SECISBP2L: variants seen among roughly 807,000 people sequenced by gnomAD.
SECISBP2L encodes the protein selenocysteine insertion sequence-binding protein 2-like.
A neutral mutation model predicts 114.7 loss-of-function variants in SECISBP2L; 43 were observed. The observed-to-expected ratio is 0.38, with a 90% confidence interval of 0.29 to 0.48. The LOEUF (loss-of-function observed/expected upper bound fraction) is 0.48, where lower values mean the gene tolerates loss of function less well. Ranked by LOEUF, SECISBP2L falls within the 20% of genes least tolerant of loss-of-function variation. The pLI, the probability that SECISBP2L is intolerant of heterozygous loss-of-function variation, is 0.98. For missense variants in SECISBP2L, 1,136 were observed against 1,301.1 expected (o/e 0.87, Z 1.95); for synonymous variants, 451 against 439.7 (o/e 1.03, Z -0.32).
At chr15:49,004,410 T>C (rs1190722848) in intron 14 of SECISBP2L, among the ~76,000 whole-genome samples, 1 of 152,154 alleles carries the variant, frequency 6.6e-6, no homozygotes, top group Non-Finnish European at 1.5e-5. Context: ...GTTTGAAGGG[T>C]TTTTTGTGTC....
chr15:48,992,191 G>GA lies in SECISBP2L; in HGVS notation c.*52_*53insT. 1 of 1,501,926 alleles carries GA rather than the reference G, an allele frequency of 6.7e-7. No individual in the cohort carries two copies. Among genetic ancestry groups the GA allele is most frequent in the Non-Finnish European group, 9.0e-7 (1 of 1,113,272 alleles). The allele number at this position is 1,501,926 out of a possible 1,614,324, so 93.0% of individuals were successfully genotyped here. A position where few individuals can be genotyped will look rare whatever the true frequency, so the allele number is the denominator to read the frequency against. ...AAAATGTTGAGATGAAGCATAAAAG[G>GA]TAATGGCTGCAACCCTTCCACAGCT... On this transcript the variant is annotated 3_prime_UTR_variant, in exon 18 of 18. Transcript: ENST00000559471.
chr15:48,996,642 A>G, intron 16 of SECISBP2L, 56 bp from the exon 17 acceptor site: 1 of 1,435,896 alleles, frequency 7.0e-7, no homozygotes, highest in South Asian at 1.2e-5. Context: ...TTTTATTCCT[A>G]TTATGGATAA....
chr15:49,028,913 C>T (rs1902823377), intron 4 of SECISBP2L, among the ~76,000 whole-genome samples: 1 of 152,108 alleles, frequency 6.6e-6, no homozygotes, highest in African/African-American at 2.4e-5. Context: ...GGCTGGAGGG[C>T]AGTGGCGCAA....
chr15:49,028,032 G>T, intron 6 of SECISBP2L, 112 bp downstream of exon 6: 1 of 941,732 alleles, frequency 1.1e-6, no homozygotes, highest in Non-Finnish European at 1.6e-6. Context: ...TTGAATCTCT[G>T]GAAGACTTCT....
chr15:49,033,337 AC>A (rs1902937213), intron 3 of SECISBP2L, among the ~76,000 whole-genome samples: 1 of 152,212 alleles, frequency 6.6e-6, no homozygotes, highest in African/African-American at 2.4e-5. Context: ...AATAATTAAC[AC>A]AAGTATGATT....
Position 48,989,201 on chromosome 15 carries a change from G to A in SECISBP2L, c.*3043C>T, listed in dbSNP as rs1901920938. ...TTTATACATATATTAAAGTAACAAT[G>A]TGTTAAGATTGAACAGTTTCATGTT... On this transcript the variant is annotated 3_prime_UTR_variant, in exon 18 of 18. Coordinates refer to ENST00000559471, the MANE Select transcript of SECISBP2L (RefSeq NM_001193489.2). 1.3e-5 allele frequency: 2 copies of A among 151,682 alleles called. No homozygotes were observed. Among genetic ancestry groups the A allele is most frequent in the Admixed American group, 1.3e-4 (2 of 15,168 alleles). 9.4% of individuals were successfully genotyped at this position (151,682 alleles called of 1,614,324 possible). A position where few individuals can be genotyped will look rare whatever the true frequency, so the allele number is the denominator to read the frequency against.
At chr15:49,013,253 C>T (rs1232204462) in intron 11 of SECISBP2L, 1 of 152,450 alleles carries the variant, frequency 6.6e-6, no homozygotes, top group African/African-American at 2.4e-5. Context: ...TGATTTTACC[C>T]ACTCAGCTGC....
chr15:49,046,154 G>T, intron 1 of SECISBP2L, 122 bp downstream of exon 1: 1 of 1,158,964 alleles, frequency 8.6e-7, no homozygotes, highest in Non-Finnish European at 1.2e-6. Flanking sequence ...AGGCTCCCAG[G>T]TGAGGGGGTC....
At chr15:49,009,465 A>G in intron 13 of SECISBP2L, 87 bp from the exon 14 acceptor site, 1 of 1,370,226 alleles carries the variant, frequency 7.3e-7, no homozygotes, top group Non-Finnish European at 9.9e-7. Context: ...TAGAATGGCC[A>G]TTGTCTTTTG....
At chr15:49,028,043 A>G (rs538225831) in intron 6 of SECISBP2L, 101 bp downstream of exon 6, 4 of 1,063,694 alleles carry the variant, frequency 3.8e-6, no homozygotes, top group East Asian at 2.6e-5. Flanking sequence ...GAAGACTTCT[A>G]AGTTTTTTTT....
At chr15:49,036,605 A>G (rs1903013400) in intron 2 of SECISBP2L, among the ~76,000 whole-genome samples, 1 of 152,260 alleles carries the variant, frequency 6.6e-6, no homozygotes, top group Non-Finnish European at 1.5e-5. Context: ...CAGTTTGCAC[A>G]TTATCCAATA....
chr15:49,038,446 C>A (rs547481834), intron 1 of SECISBP2L, among the ~76,000 whole-genome samples: 166 of 146,682 alleles, frequency 1.1e-3, no homozygotes, highest in Middle Eastern at 3.6e-3. Flanking sequence ...AAAAAAAAAA[C>A]CCTGTAGTAT....
At chr15:49,009,549 T>A (rs1404568633) in intron 13 of SECISBP2L, among the ~76,000 whole-genome samples, 171 bp from the exon 14 acceptor site, 1 of 152,150 alleles carries the variant, frequency 6.6e-6, no homozygotes, top group Non-Finnish European at 1.5e-5. Flanking sequence ...TTCCATACAC[T>A]ACAAAAATTA....
chr15:49,002,348 T>C (rs1050864359), intron 14 of SECISBP2L, among the ~76,000 whole-genome samples: 2 of 152,246 alleles, frequency 1.3e-5, no homozygotes, highest in African/African-American at 2.4e-5. Flanking sequence ...TTCTGGATAT[T>C]ACCCCTTGGT....
intron 11 of SECISBP2L, among the ~76,000 whole-genome samples, chr15:49,014,106 G>A (rs1009251153): frequency 2.0e-5 from 3 of 151,942 alleles, no homozygotes; most frequent in South Asian, 2.1e-4. Context: ...CTCTTGAAAC[G>A]TACTGTCAAG....
chr15:49,021,378 G>A (rs1902637064), intron 7 of SECISBP2L, among the ~76,000 whole-genome samples: 1 of 151,792 alleles, frequency 6.6e-6, no homozygotes, highest in Non-Finnish European at 1.5e-5. Flanking sequence ...ATATGGGCAA[G>A]AAAAAAAACA....
intron 14 of SECISBP2L, among the ~76,000 whole-genome samples, 183 bp from the exon 15 acceptor site, chr15:49,001,280 T>C (rs531566563): frequency 6.6e-6 from 1 of 152,216 alleles, no homozygotes; most frequent in South Asian, 2.1e-4. Context: ...AGAAGAGTGA[T>C]ACAGATATTC....
chr15:49,001,925 G>GT (rs1290283082), intron 14 of SECISBP2L: 1 of 152,034 alleles, frequency 6.6e-6, no homozygotes, highest in African/African-American at 2.4e-5. Context: ...ATAAACATAT[G>GT]TGTGCATGTC....
rs753169420 is a variant in SECISBP2L, at chr15:49,009,262, T to C, written c.1981A>G (p.Met661Val). The C allele has an allele frequency of 5.6e-6, 9 of 1,614,180 alleles. No homozygotes were observed. The highest frequency in any genetic ancestry group is 4.4e-5 in the South Asian group (4 of 91,086). Residue 661 changes from methionine (M) to valine (V), a missense_variant, in exon 14 of 18, where the codon ATG becomes GTG. Met to Val is a conservative substitution (Grantham distance 21). Around this residue, in one of 2 missense-constraint regions of SECISBP2L, gnomAD observed 684 missense variants for 848.7 expected, o/e 0.81. Coordinates refer to ENST00000559471, the MANE Select transcript of SECISBP2L (RefSeq NM_001193489.2). ...SPASSGIGSP[M>V]ASSTITKIHS... ...ATTTTGGTTATTGTTGAAGATGCCA[T>C]TGGACTGCCTATTCCAGAACTAGCA... is the stretch of plus-strand genomic sequence containing the variant.
Sources: gnomAD v4.1 joint callset for allele counts (sites outside exome capture counted in the v4.1 genomes callset) on GRCh38, gnomAD v4.1.1 for gene constraint, gnomAD v4.1.1 regional missense constraint, MANE v1.5 for transcripts, NCBI Gene and HGNC (gene_info 2026-07-23, HGNC 2026-07-21) for gene names.